The following ASXL2 variants were observed in gnomAD, a reference collection of about 807,000 sequenced individuals.
ASXL2 encodes putative Polycomb group protein ASXL2.
Under a neutral mutation model 122.0 loss-of-function variants are expected in ASXL2, and 23 were observed. That is an observed-to-expected ratio of 0.19 (90% CI 0.14 to 0.27). The LOEUF (loss-of-function observed/expected upper bound fraction) is 0.27. ASXL2 is among the 10% of genes least tolerant of loss of function. The pLI is 1.00. For synonymous variants in ASXL2, 650 were observed against 637.0 expected, an observed-to-expected ratio of 1.02 and a Z score of -0.31; for missense variants, 1,518 against 1,713.8, an observed-to-expected ratio of 0.89 and a Z score of 2.02.
At chr2:25,845,268 C>T (rs370930393) in intron 2 of ASXL2, 17 of 688,978 alleles carry the variant, frequency 2.5e-5, no homozygotes, top group Non-Finnish European at 3.9e-5. Flanking sequence ...AGATAGCTAC[C>T]CTCTAAGAAT....
At chr2:25,812,213 C>G (rs893901659) in intron 3 of ASXL2, among the ~76,000 whole-genome samples, 6 of 149,660 alleles carry the variant, frequency 4.0e-5, no homozygotes, top group African/African-American at 1.5e-4. Context: ...AATCCCAGCA[C>G]TTTGGGAGCC....
intron 1 of ASXL2, among the ~76,000 whole-genome samples, chr2:25,858,448 G>A (rs2089805757): frequency 6.6e-6 from 1 of 151,728 alleles, no homozygotes; most frequent in Non-Finnish European, 1.5e-5. Context: ...TTTTTGGACA[G>A]GCACAATGGC....
chr2:25,869,826 G>A (rs2089947976), intron 1 of ASXL2, among the ~76,000 whole-genome samples: 1 of 149,466 alleles, frequency 6.7e-6, no homozygotes, highest in Admixed American at 6.7e-5. Flanking sequence ...AAAAAAAAAA[G>A]TGAAAAAAAT....
chr2:25,795,261 A>G (rs183097822), intron 5 of ASXL2, among the ~76,000 whole-genome samples: 97 of 152,332 alleles, frequency 6.4e-4, no homozygotes, highest in African/African-American at 2.2e-3. Context: ...AATAATCAAT[A>G]TTATAATAAT....
chr2:25,751,788 CTTTT>C (rs796171724), intron 11 of ASXL2, among the ~76,000 whole-genome samples: 4 of 147,206 alleles, frequency 2.7e-5, no homozygotes, highest in African/African-American at 9.9e-5. Flanking sequence ...TTATAGAACT[CTTTT>C]TTTTTTTGAG....
At chr2:25,779,084 A>ATTT (rs33911748) in intron 5 of ASXL2, among the ~76,000 whole-genome samples, 14,461 of 99,142 alleles carry the variant, frequency 0.15, 1,378 homozygotes, top group Non-Finnish European at 0.2. Flanking sequence ...CTTTTTTCTG[A>ATTT]TTTTTTTTTT....
intron 4 of ASXL2, among the ~76,000 whole-genome samples, chr2:25,801,555 GAGTT>G (rs1255252727): frequency 6.6e-6 from 1 of 152,062 alleles, no homozygotes; most frequent in Non-Finnish European, 1.5e-5. Context: ...AGCTTTTATA[GAGTT>G]AGTTGTCAGC....
intron 1 of ASXL2, among the ~76,000 whole-genome samples, chr2:25,848,930 C>T (rs976403248): frequency 2.7e-5 from 4 of 150,292 alleles, no homozygotes; most frequent in African/African-American, 4.9e-5. Context: ...CCTGTAGTCC[C>T]GGCTACTACG....
At chr2:25,746,761 A>G (rs2087949467) in intron 12 of ASXL2, among the ~76,000 whole-genome samples, 2 of 152,210 alleles carry the variant, frequency 1.3e-5, no homozygotes, top group Admixed American at 1.3e-4. Context: ...AAATAGCCCT[A>G]TTACCTGATT....
Position 25,855,935 on chromosome 2 carries a change from C to T in ASXL2, c.58-10372G>A, listed in dbSNP as rs192638725. Among the ~76,000 whole-genome samples, 140 of 147,386 alleles carry T rather than the reference C, an allele frequency of 9.5e-4. 1 individual carries two copies. Among genetic ancestry groups the T allele is most frequent in the African/African-American group, 3.4e-3 (136 of 39,882 alleles). ...TAGAGACAGAGTCTCGCTCTGTCGG[C>T]CAGGCTGCAGTGCAGTGGCGTGATC... On this transcript the variant is annotated intron_variant, in intron 1 of 12. Transcript: ENST00000435504.
rs2087830099 is a variant in ASXL2 at position 25,741,697 on chromosome 2, A to G, written c.*332T>C. The G allele has an allele frequency of 3.5e-6, 1 of 286,632 alleles. No homozygotes were observed. Among genetic ancestry groups the G allele is most frequent in the Admixed American group, 4.6e-5 (1 of 21,774 alleles). The allele number at this position is 286,632 out of a possible 1,614,324, so 17.8% of individuals were successfully genotyped here. A position where few individuals can be genotyped will look rare whatever the true frequency, so the allele number is the denominator to read the frequency against. ...CATTAAACTTTTCTCAGTCACAAGT[A>G]GTAGAACATTAATCTGAATTCAAAG... On this transcript the variant is annotated 3_prime_UTR_variant, in exon 13 of 13. Transcript: ENST00000435504.
chr2:25,783,922 C>T (rs1314708053), intron 5 of ASXL2, among the ~76,000 whole-genome samples: 3 of 151,966 alleles, frequency 2.0e-5, no homozygotes, highest in African/African-American at 4.8e-5. Flanking sequence ...GGCGTGGTGG[C>T]ACATGCCTGT....
Position 25,735,363 on chromosome 2 carries a change from T to C in ASXL2, c.*6666A>G, listed in dbSNP as rs1574384505. On this transcript the variant is annotated 3_prime_UTR_variant, in exon 13 of 13. Coordinates refer to ENST00000435504, the MANE Select transcript of ASXL2 (RefSeq NM_018263.6). ...ACGTTACATAGTGGAATACACCAAA[T>C]TCTTCTTTAAAAAGCGCTAGAGTCC... 1 of 152,304 alleles carries C rather than the reference T, an allele frequency of 6.6e-6. No individual in the cohort carries two copies. The highest frequency in any genetic ancestry group is 1.9e-4 in the East Asian group (1 of 5,188). 9.4% of individuals were successfully genotyped at this position (152,304 alleles called of 1,614,324 possible).
chr2:25,807,667 A>G (rs1417018770), intron 3 of ASXL2, among the ~76,000 whole-genome samples: 6 of 152,184 alleles, frequency 3.9e-5, no homozygotes, highest in African/African-American at 1.4e-4. Context: ...CTTAGCCACT[A>G]TTATTGAAGT....
intron 1 of ASXL2, among the ~76,000 whole-genome samples, chr2:25,877,551 AG>A (rs2090019533): frequency 6.6e-6 from 1 of 151,060 alleles, no homozygotes; most frequent in Non-Finnish European, 1.5e-5. Flanking sequence ...CTACGGAAAC[AG>A]GAAAAAAAAA....
In ASXL2 at chr2:25,737,244, A is replaced by C. The variant is rs937963423; in HGVS notation, c.*4785T>G. The C allele has an allele frequency of 2.0e-5, 3 of 152,152 alleles. No individual in the cohort carries two copies. Among genetic ancestry groups the C allele is most frequent in the Admixed American group, 2.0e-4 (3 of 15,272 alleles). The allele number at this position is 152,152 out of a possible 1,614,324, so 9.4% of individuals were successfully genotyped here. On this transcript the variant is annotated 3_prime_UTR_variant, in exon 13 of 13. Transcript: ENST00000435504. ...AAAAAAAAAAATTTCTATCATCTTC[A>C]AGAAACTATTTCTTCACACTCCCCT...
intron 9 of ASXL2, among the ~76,000 whole-genome samples, chr2:25,757,236 C>G (rs2088150093): frequency 6.6e-6 from 1 of 151,978 alleles, no homozygotes; most frequent in African/African-American, 2.4e-5. Flanking sequence ...GTTTGTATTC[C>G]ACTTAATCGA....
At chr2:25,760,288 A>G (rs931642686) in intron 8 of ASXL2, among the ~76,000 whole-genome samples, 5 of 152,100 alleles carry the variant, frequency 3.3e-5, no homozygotes, top group East Asian at 1.9e-4. Context: ...TTACACATCA[A>G]TAAGAAAAAG....
chr2:25,747,452 G>C lies in ASXL2; in HGVS notation c.1860+2244C>G, dbSNP rs144078020. 1.2e-4 allele frequency among the ~76,000 whole-genome samples: 19 copies of C among 152,290 alleles called. No homozygotes were observed. In the East Asian group the frequency reaches 3.5e-3, roughly 28 times the overall value. ...ATTTGAGATAGGGTCTAAGAGAAGA[G>C]AGTTACTAAAGACACTTCTGGAGAA... On this transcript the variant is annotated intron_variant, in intron 12 of 12. Coordinates refer to ENST00000435504, the MANE Select transcript of ASXL2 (RefSeq NM_018263.6).
Sources: gnomAD v4.1 joint callset for allele counts (sites outside exome capture counted in the v4.1 genomes callset) on GRCh38, gnomAD v4.1.1 for gene constraint, MANE v1.5 for transcripts, NCBI Gene and HGNC (gene_info 2026-07-23, HGNC 2026-07-21) for gene names.